MREG: variants seen among roughly 807,000 people sequenced by gnomAD.
MREG encodes dilute suppressor protein homolog.
In MREG, 31 loss-of-function variants were observed where a neutral mutation model predicts 28.5. The observed-to-expected ratio is 1.09, with a 90% confidence interval of 0.82 to 1.47. The LOEUF is 1.47. Ranked by LOEUF, MREG falls within the 40% of genes most tolerant of loss-of-function variation. The pLI, the probability that MREG is intolerant of heterozygous loss-of-function variation, is 0.00. For missense variants in MREG, 256 were observed against 257.4 expected, an observed-to-expected ratio of 0.99 and a Z score of 0.04; for synonymous variants, 106 against 95.2, an observed-to-expected ratio of 1.11 and a Z score of -0.66.
chr2:215,947,895 G>A (rs1692363232), intron 2 of MREG, among the ~76,000 whole-genome samples: 1 of 152,152 alleles, frequency 6.6e-6, no homozygotes, highest in East Asian at 1.9e-4. Flanking sequence ...GAGCATTGGG[G>A]TCTTTATTGA....
chr2:216,002,831 C>G (rs572103304), intron 1 of MREG, among the ~76,000 whole-genome samples: 1 of 150,396 alleles, frequency 6.6e-6, no homozygotes, highest in East Asian at 2.0e-4. Flanking sequence ...TTTCTTTTTT[C>G]TTTCTTCCCC....
chr2:216,006,700 G>A (rs1012355058), intron 1 of MREG, among the ~76,000 whole-genome samples: 6 of 152,344 alleles, frequency 3.9e-5, no homozygotes, highest in African/African-American at 1.2e-4. Context: ...CTTTCTAAAA[G>A]CCCTTCCAAT....
Position 215,944,019 on chromosome 2 carries a change from G to T in MREG, c.*844C>A. On this transcript the variant is annotated 3_prime_UTR_variant, in exon 5 of 5. Transcript: ENST00000263268. ...TTTTGAGACGGAGTCTCGCTCTGTC[G>T]CCCAGGCTGGAGTGCAATGGTGCAA... 9.3e-6 allele frequency: 1 copy of T among 107,122 alleles called. No homozygotes were observed. The highest frequency in any genetic ancestry group is 1.5e-4 in the Admixed American group (1 of 6,794). The allele number at this position is 107,122 out of a possible 1,614,324, so 6.6% of individuals were successfully genotyped here.
At chr2:215,960,800 C>G (rs982747984) in intron 2 of MREG, among the ~76,000 whole-genome samples, 7 of 152,014 alleles carry the variant, frequency 4.6e-5, no homozygotes, top group African/African-American at 1.7e-4. Context: ...GGCCACTGCA[C>G]TCCAGCCTGG....
At chr2:215,961,754 T>A (rs1445105570) in intron 2 of MREG, among the ~76,000 whole-genome samples, 1 of 152,128 alleles carries the variant, frequency 6.6e-6, no homozygotes, top group Non-Finnish European at 1.5e-5. Context: ...CAGAGCTATC[T>A]ACTTGCCCTT....
chr2:215,988,674 G>T (rs1229980562), intron 2 of MREG, among the ~76,000 whole-genome samples: 1 of 152,222 alleles, frequency 6.6e-6, no homozygotes, highest in African/African-American at 2.4e-5. Context: ...ACAGCAGTCT[G>T]AAGTTGACCT....
At chr2:215,992,673 T>C (rs1365260574) in intron 2 of MREG, among the ~76,000 whole-genome samples, 2 of 152,206 alleles carry the variant, frequency 1.3e-5, no homozygotes, top group Non-Finnish European at 2.9e-5. Context: ...CCCCATTGTC[T>C]CAGCCCAAAA....
chr2:215,999,206 G>C (rs937589602), intron 1 of MREG, among the ~76,000 whole-genome samples: 3 of 152,210 alleles, frequency 2.0e-5, no homozygotes, highest in African/African-American at 7.2e-5. Context: ...GGTAACGTGG[G>C]GTCAGACTAA....
At chr2:215,980,184 C>T (rs973585005) in intron 2 of MREG, among the ~76,000 whole-genome samples, 4 of 152,062 alleles carry the variant, frequency 2.6e-5, no homozygotes, top group Non-Finnish European at 4.4e-5. Flanking sequence ...TGCCCTTTTC[C>T]TCCAGGCACT....
chr2:215,992,806 C>A (rs1240804391), intron 2 of MREG, among the ~76,000 whole-genome samples: 2 of 152,146 alleles, frequency 1.3e-5, no homozygotes, highest in African/African-American at 2.4e-5. Context: ...AATGAACTCC[C>A]ATTCACAATT....
At chr2:216,024,882 C>CAA (rs1295218041) in intron 1 of MREG, among the ~76,000 whole-genome samples, 1 of 48,732 alleles carries the variant, frequency 2.1e-5, no homozygotes. Context: ...GACTCTGTCT[C>CAA]AAAAAAAAAA....
intron 3 of MREG, 120 bp downstream of exon 3, chr2:215,946,903 C>A: frequency 1.5e-6 from 1 of 658,698 alleles, no homozygotes. Flanking sequence ...ATAATTAGTA[C>A]ACAGTAGTCT....
intron 2 of MREG, among the ~76,000 whole-genome samples, chr2:215,958,004 G>A (rs1266064973): frequency 6.6e-6 from 1 of 151,310 alleles, no homozygotes; most frequent in Non-Finnish European, 1.5e-5. Context: ...ACTATCGCAA[G>A]GACAAAAAAC....
At chr2:215,985,012 C>A (rs1459261104) in intron 2 of MREG, among the ~76,000 whole-genome samples, 2 of 152,156 alleles carry the variant, frequency 1.3e-5, no homozygotes, top group Non-Finnish European at 2.9e-5. Context: ...GCCATAAAGC[C>A]AGATTCAAAT....
chr2:215,947,705 C>G (rs1267468780), intron 2 of MREG, among the ~76,000 whole-genome samples: 1 of 152,196 alleles, frequency 6.6e-6, no homozygotes, highest in Non-Finnish European at 1.5e-5. Flanking sequence ...TCCCAAGTTT[C>G]TTGATTCCTG....
intron 2 of MREG, among the ~76,000 whole-genome samples, chr2:215,949,087 C>CTAATAATAATAATAATAA (rs58773562): frequency 3.2e-5 from 4 of 124,594 alleles, no homozygotes; most frequent in East Asian, 4.6e-4. Flanking sequence ...ACTACTACTA[C>CTAATAATAATAATAATAA]TAATAATAAT....
chr2:216,031,691 G>GAGAA (rs1395273679), intron 1 of MREG, among the ~76,000 whole-genome samples: 27 of 61,162 alleles, frequency 4.4e-4, no homozygotes, highest in South Asian at 3.9e-3. Context: ...AAGAAAGAAA[G>GAGAA]AGAAAGAAAG....
At chr2:216,029,284 C>T (rs1223611547) in intron 1 of MREG, among the ~76,000 whole-genome samples, 1 of 151,962 alleles carries the variant, frequency 6.6e-6, no homozygotes, top group Non-Finnish European at 1.5e-5. Context: ...TTGAGACCAT[C>T]GTCGCCAACA....
intron 2 of MREG, among the ~76,000 whole-genome samples, chr2:215,949,001 G>A (rs1375727720): frequency 2.0e-5 from 3 of 147,498 alleles, no homozygotes; most frequent in African/African-American, 7.5e-5. Context: ...TCAGGAGTTC[G>A]ATACCAGCCT....
Sources: gnomAD v4.1 joint callset for allele counts (sites outside exome capture counted in the v4.1 genomes callset) on GRCh38, gnomAD v4.1.1 for gene constraint, MANE v1.5 for transcripts, NCBI Gene and HGNC (gene_info 2026-07-23, HGNC 2026-07-21) for gene names.